WDR36: variants seen among roughly 807,000 people sequenced by gnomAD.
WDR36 encodes WD repeat domain 36.
Under a neutral mutation model 112.7 loss-of-function variants are expected in WDR36, and 63 were observed. That is an observed-to-expected ratio of 0.56 (90% CI 0.46 to 0.69). The LOEUF is 0.69. Ranked by LOEUF, WDR36 falls within the 30% of genes least tolerant of loss-of-function variation. The pLI, the probability that WDR36 is intolerant of heterozygous loss-of-function variation, is 0.00. For synonymous variants in WDR36, 410 were observed against 362.2 expected (o/e 1.13, Z -1.50); for missense variants, 1,226 against 1,070.3 (o/e 1.15, Z -2.03).
intron 4 of WDR36, among the ~76,000 whole-genome samples, chr5:111,100,021 C>G (rs976138937): frequency 2.6e-5 from 4 of 151,804 alleles, no homozygotes; most frequent in African/African-American, 9.7e-5. Flanking sequence ...GAGCAAGTGA[C>G]CACTGGTGAT....
chr5:111,128,732 C>T lies in WDR36; in HGVS notation c.*1849C>T, dbSNP rs533880368. On this transcript the variant is annotated 3_prime_UTR_variant, in exon 23 of 23. Transcript: ENST00000513710. Reference sequence around the variant, plus strand: ...TGGCAGGTAATCTTCTAGAACCTTTCATGTACTGTTTCCATCAAGGGAGGG... The same window carrying T: ...TGGCAGGTAATCTTCTAGAACCTTTTATGTACTGTTTCCATCAAGGGAGGG... The T allele has an allele frequency of 6.6e-5, 12 of 182,648 alleles. No homozygotes were observed. In the South Asian group the frequency reaches 2.2e-3, roughly 33 times the overall value. The allele number at this position is 182,648 out of a possible 1,614,324, so 11.3% of individuals were successfully genotyped here. A position where few individuals can be genotyped will look rare whatever the true frequency, so the allele number is the denominator to read the frequency against.
chr5:111,108,924 G>A (rs1341201067), intron 12 of WDR36, among the ~76,000 whole-genome samples: 1 of 151,306 alleles, frequency 6.6e-6, no homozygotes, highest in African/African-American at 2.4e-5. Context: ...GACAGTCTCA[G>A]CTATCTGGAG....
At chr5:111,118,289 A>G (rs1338054756) in intron 16 of WDR36, among the ~76,000 whole-genome samples, 1 of 152,104 alleles carries the variant, frequency 6.6e-6, no homozygotes, top group Non-Finnish European at 1.5e-5. Context: ...CTAGACACCA[A>G]TATCCATTGA....
At position 111,121,106 on chromosome 5, in the gene WDR36, C is replaced by A; in HGVS notation, c.2113C>A (p.Arg705=). 1 of 1,613,454 alleles carries A rather than the reference C, an allele frequency of 6.2e-7. No individual in the cohort carries two copies. Among genetic ancestry groups the A allele is most frequent in the South Asian group, 1.1e-5 (1 of 91,064 alleles). Residue 705 remains arginine, a synonymous_variant, in exon 19 of 23, where the codon CGA becomes AGA. Transcript: ENST00000513710. ...LVTLSLLPES[R]WKNLLNLDVI... Reference sequence around the variant, plus strand: ...GACTCTTTCACTTCTTCCTGAATCACGATGGAAAAACCTTCTTAACCTTGA... The same window carrying A: ...GACTCTTTCACTTCTTCCTGAATCAAGATGGAAAAACCTTCTTAACCTTGA...
intron 2 of WDR36, among the ~76,000 whole-genome samples, chr5:111,096,801 A>G (rs913132494): frequency 6.6e-6 from 1 of 152,224 alleles, no homozygotes. Flanking sequence ...AAATAACCTC[A>G]AAAAGCTTGT....
Position 111,097,111 on chromosome 5 carries a change from G to A in WDR36, c.223G>A (p.Ala75Thr), listed in dbSNP as rs758601566. 3.9e-5 allele frequency: 63 copies of A among 1,613,264 alleles called. No individual in the cohort carries two copies. In the Admixed American group the frequency reaches 6.8e-4, roughly 18 times the overall value. The change falls in exon 3 of 23, where the codon GCA becomes ACA. Residue 75 changes from alanine (A) to threonine (T), a missense_variant. Transcript: ENST00000513710. ...TGTTCCACAGGATATCTGCTGTATGGCAGCTGATGGCAGATTAGTCTTTGC... is the reference window on the plus strand; with the variant it reads ...TGTTCCACAGGATATCTGCTGTATGACAGCTGATGGCAGATTAGTCTTTGC... ...NSVPQDICCMAADGRLVFAAY... is the reference protein window; with the variant it reads ...NSVPQDICCMTADGRLVFAAY...
rs1391776114 is a variant in WDR36, at chr5:111,104,188, G to T, written c.742G>T (p.Val248Leu). ...TATTTTAATAACAGATGGTCATCCA[G>T]TAATGGCAGCTGGAAGCCCATGTGG... is the stretch of plus-strand genomic sequence containing the variant. The part of the protein sequence containing the change: ...SISFRTDGHP[V>L]MAAGSPCGHI... Residue 248 changes from valine (V) to leucine (L), a missense_variant, in exon 8 of 23, where the codon GTA becomes TTA. Physicochemically the swap from Val to Leu is conservative, Grantham distance 32 (BLOSUM62 1). Transcript: ENST00000513710. The T allele has an allele frequency of 1.2e-6, 2 of 1,611,038 alleles. No homozygotes were observed. Among genetic ancestry groups the T allele is most frequent in the Non-Finnish European group, 1.7e-6 (2 of 1,178,126 alleles).
chr5:111,123,903 A>G lies in WDR36; in HGVS notation c.2247A>G (p.Glu749=). The G allele has an allele frequency of 1.2e-6, 2 of 1,613,800 alleles. No homozygotes were observed. Among genetic ancestry groups the G allele is most frequent in the Non-Finnish European group, 8.5e-7 (1 of 1,179,900 alleles). Residue 749 remains glutamate (E), a synonymous_variant, in exon 20 of 23, where the codon GAA becomes GAG. Coordinates refer to ENST00000513710, the MANE Select transcript of WDR36 (RefSeq NM_139281.3). ...PGLVPRYAAP[E]QNNDPQQSKV... is the part of the protein sequence containing the mutation. ...TTGTACCCAGATATGCTGCACCTGAACAAAATAATGATCCCCAGCAGGTAA... is the reference window on the plus strand; with the variant it reads ...TTGTACCCAGATATGCTGCACCTGAGCAAAATAATGATCCCCAGCAGGTAA...
chr5:111,092,399 A>C lies in WDR36; in HGVS notation c.-58A>C, dbSNP rs376235389. 12 of 1,614,052 alleles carry C rather than the reference A, an allele frequency of 7.4e-6. No homozygotes were observed. The South Asian group carries it at 1.2e-4, about 16-fold the overall frequency. Reference sequence around the variant, plus strand: ...CTGTTCCACTAGACACGCTGAAGGGACTGGGTACGTGTTTTCCTTCAGGAC... The same window carrying C: ...CTGTTCCACTAGACACGCTGAAGGGCCTGGGTACGTGTTTTCCTTCAGGAC... On this transcript the variant is annotated 5_prime_UTR_variant, in exon 1 of 23. Transcript: ENST00000513710.
At chr5:111,106,261 G>T in intron 11 of WDR36, 118 bp downstream of exon 11, 1 of 883,166 alleles carries the variant, frequency 1.1e-6, no homozygotes, top group Non-Finnish European at 1.9e-6. Flanking sequence ...GCATTCAGAA[G>T]GTAACCCCAG....
Position 111,128,116 on chromosome 5 carries a change from A to T in WDR36, c.*1233A>T, listed in dbSNP as rs1200546543. 2.1e-5 allele frequency: 4 copies of T among 192,968 alleles called. No homozygotes were observed. Among genetic ancestry groups the T allele is most frequent in the African/African-American group, 9.3e-5 (4 of 43,116 alleles). The allele number at this position is 192,968 out of a possible 1,614,324, so 12.0% of individuals were successfully genotyped here. On this transcript the variant is annotated 3_prime_UTR_variant, in exon 23 of 23. Transcript: ENST00000513710. ...TGCAATACATGAATTAAAAATAAGC[A>T]GTTCTTTAAAGCATAGCGCTCTAAA...
At chr5:111,124,038 T>A in intron 20 of WDR36, 70 bp from the exon 21 acceptor site, 1 of 1,601,578 alleles carries the variant, frequency 6.2e-7, no homozygotes, top group South Asian at 1.1e-5. Context: ...TGATAGCTTT[T>A]AATTACAAAC....
rs930710824 is a variant in WDR36, at chr5:111,129,885, G to C, written c.*3002G>C. On this transcript the variant is annotated 3_prime_UTR_variant, in exon 23 of 23. Coordinates refer to ENST00000513710, the MANE Select transcript of WDR36 (RefSeq NM_139281.3). ...GATCTTTAGAATTGATTTTTCTGAAGAGTGAAACAGCGCTGCTTCCAATAT... is the reference window on the plus strand; with the variant it reads ...GATCTTTAGAATTGATTTTTCTGAACAGTGAAACAGCGCTGCTTCCAATAT... 2 of 209,068 alleles carry C rather than the reference G, an allele frequency of 9.6e-6. No homozygotes were observed. Among genetic ancestry groups the C allele is most frequent in the Non-Finnish European group, 1.9e-5 (2 of 102,888 alleles). 13.0% of individuals were successfully genotyped at this position (209,068 alleles called of 1,614,324 possible).
At position 111,126,781 on chromosome 5, in the gene WDR36, A is replaced by T; in HGVS notation, c.2586A>T (p.Ile862=). The change falls in exon 23 of 23, where the codon ATA becomes ATT. Residue 862 remains isoleucine, a synonymous_variant. Transcript: ENST00000513710. ...LPSEPVLLEE[I]TNLSSQVEEN... ...CAGAGCCAGTACTCCTAGAAGAAAT[A>T]ACAAATTTGTCATCCCAGGTGGAAG... 6.2e-7 allele frequency: 1 copy of T among 1,613,786 alleles called. No individual in the cohort carries two copies. The highest frequency in any genetic ancestry group is 8.5e-7 in the Non-Finnish European group (1 of 1,179,816).
At chr5:111,123,372 G>T (rs1753609240) in intron 19 of WDR36, among the ~76,000 whole-genome samples, 1 of 152,174 alleles carries the variant, frequency 6.6e-6, no homozygotes, top group African/African-American at 2.4e-5. Flanking sequence ...TGGCTCCAAA[G>T]TTCCTTTGGA....
intron 9 of WDR36, among the ~76,000 whole-genome samples, chr5:111,105,066 T>A (rs958968346): frequency 2.6e-5 from 4 of 151,776 alleles, no homozygotes; most frequent in East Asian, 1.9e-4. Flanking sequence ...ATTCTGTTAG[T>A]CTGCTGAAAA....
intron 6 of WDR36, among the ~76,000 whole-genome samples, chr5:111,103,554 A>T (rs567018565): frequency 1.3e-5 from 2 of 151,608 alleles, no homozygotes; most frequent in Non-Finnish European, 3.0e-5. Context: ...TGAGGATGGG[A>T]TGTTGACTGG....
rs551231311 is a variant in WDR36, at chr5:111,119,118, A to G, written c.1902A>G (p.Leu634=). 8.7e-6 allele frequency: 14 copies of G among 1,605,422 alleles called. No homozygotes were observed. The highest frequency in any genetic ancestry group is 1.7e-4 in the Middle Eastern group (1 of 6,044). The change falls in exon 17 of 23, where the codon CTA becomes CTG. Residue 634 remains leucine, a splice_region_variant and synonymous_variant. Coordinates refer to ENST00000513710, the MANE Select transcript of WDR36 (RefSeq NM_139281.3). ...TSHVDHLGIY[L]WSNISLYSVV... ...ATGTGGACCACCTTGGAATTTATCT[A>G]TGGTAAGTTCTTTCATACAGTTCTG...
intron 6 of WDR36, among the ~76,000 whole-genome samples, chr5:111,103,028 T>C (rs1753151904): frequency 6.6e-6 from 1 of 151,604 alleles, no homozygotes; most frequent in Admixed American, 6.6e-5. Context: ...GCTCCACTTT[T>C]GCCTATCCAG....
Sources: gnomAD v4.1 joint callset for allele counts (sites outside exome capture counted in the v4.1 genomes callset) on GRCh38, gnomAD v4.1.1 for gene constraint, MANE v1.5 for transcripts, NCBI Gene and HGNC (gene_info 2026-07-23, HGNC 2026-07-21) for gene names.